Variants in SHANK2 observed in about 807,000 individuals in gnomAD.
SHANK2 encodes the protein SH3 and multiple ankyrin repeat domains protein 2.
In SHANK2, 43 loss-of-function variants were observed where a neutral mutation model predicts 133.7. The ratio of observed to expected loss-of-function variants is 0.32; its 90% confidence interval spans 0.25 to 0.41. The LOEUF (loss-of-function observed/expected upper bound fraction) is 0.41. SHANK2 is among the 10% of genes least tolerant of loss of function. The pLI is 1.00. For missense variants in SHANK2, 1,994 were observed against 2,235.8 expected, an observed-to-expected ratio of 0.89 and a Z score of 2.18; for synonymous variants, 1,017 against 952.8, an observed-to-expected ratio of 1.07 and a Z score of -1.24.
chr11:71,244,012 T>C (rs1954927257), intron 1 of SHANK2, among the ~76,000 whole-genome samples: 1 of 152,216 alleles, frequency 6.6e-6, no homozygotes, highest in African/African-American at 2.4e-5. Flanking sequence ...CCAAGTCATC[T>C]TATGAGGCCA....
At chr11:70,607,203 G>C (rs2136357808) in intron 17 of SHANK2, among the ~76,000 whole-genome samples, 1 of 152,326 alleles carries the variant, frequency 6.6e-6, no homozygotes, top group South Asian at 2.1e-4. Flanking sequence ...TGTGGCTCCG[G>C]GGTCTGGGTA....
chr11:70,746,636 C>T (rs1401611389), intron 14 of SHANK2, among the ~76,000 whole-genome samples: 7 of 152,184 alleles, frequency 4.6e-5, no homozygotes, highest in African/African-American at 1.7e-4. Flanking sequence ...CTCCCCGCTG[C>T]TTTCAGGGTC....
intron 12 of SHANK2, among the ~76,000 whole-genome samples, chr11:70,809,561 T>C (rs1565331952): frequency 6.6e-6 from 1 of 152,222 alleles, no homozygotes; most frequent in Non-Finnish European, 1.5e-5. Flanking sequence ...GTTCTGATTC[T>C]TACTCCTTCT....
At chr11:70,511,293 A>C (rs1554969266) in intron 17 of SHANK2, among the ~76,000 whole-genome samples, 2 of 152,208 alleles carry the variant, frequency 1.3e-5, no homozygotes, top group African/African-American at 4.8e-5. Flanking sequence ...GGGACAGAGG[A>C]AAAAAAGCTT....
chr11:70,771,590 T>G (rs1310859080), intron 14 of SHANK2, among the ~76,000 whole-genome samples: 2 of 152,008 alleles, frequency 1.3e-5, no homozygotes, highest in African/African-American at 4.8e-5. Flanking sequence ...CTGGCAGTTT[T>G]TGGCAGTTAC....
rs1322143159 is a variant in SHANK2 at position 71,166,473 on chromosome 11, C to CTTTTTTTTTTTTTTTT, written c.-12-19136_-12-19135insAAAAAAAAAAAAAAAA. Among the ~76,000 whole-genome samples, 5 of 131,382 alleles carry CTTTTTTTTTTTTTTTT rather than the reference C, an allele frequency of 3.8e-5. 1 individual carries two copies. The highest frequency in any genetic ancestry group is 2.7e-4 in the South Asian group (1 of 3,726). The allele number at this position is 131,382 out of a possible 152,430, so 86.2% of individuals were successfully genotyped here. On this transcript the variant is annotated intron_variant, in intron 2 of 25. Coordinates refer to ENST00000601538, the MANE Select transcript of SHANK2 (RefSeq NM_012309.5). ...TTGGTTTACCTTCCAATCCACACGT[C>CTTTTTTTTTTTTTTTT]TTTTTTTTCTTTTCTTTTTTTTTTG...
At chr11:70,641,157 A>G (rs1236536890) in intron 17 of SHANK2, among the ~76,000 whole-genome samples, 3 of 146,762 alleles carry the variant, frequency 2.0e-5, no homozygotes, top group Admixed American at 6.9e-5. Flanking sequence ...GTGCAGTGGC[A>G]TGATCTTGGC....
At chr11:70,766,237 C>G (rs1947121600) in intron 14 of SHANK2, among the ~76,000 whole-genome samples, 1 of 152,242 alleles carries the variant, frequency 6.6e-6, no homozygotes, top group African/African-American at 2.4e-5. Flanking sequence ...GTTGGAGCAG[C>G]AAGAAAGGCA....
intron 14 of SHANK2, among the ~76,000 whole-genome samples, chr11:70,786,249 C>T (rs563031489): frequency 5.3e-5 from 8 of 152,206 alleles, no homozygotes; most frequent in Non-Finnish European, 8.8e-5. Flanking sequence ...TCTGGCCTGG[C>T]CTCCTTTTAC....
At chr11:71,055,776 TGGGGGA>T (rs1319867961) in intron 10 of SHANK2, among the ~76,000 whole-genome samples, 6 of 93,766 alleles carry the variant, frequency 6.4e-5, no homozygotes, top group Non-Finnish European at 1.3e-4. Context: ...TTCTAGGGGC[TGGGGGA>T]GGGGGAGGGG....
intron 1 of SHANK2, among the ~76,000 whole-genome samples, chr11:71,228,175 A>G (rs1338406757): frequency 3.3e-5 from 5 of 152,240 alleles, no homozygotes; most frequent in African/African-American, 1.2e-4. Context: ...CAATTATTCA[A>G]GAAATACAAA....
rs907533771 is a variant in SHANK2, at chr11:70,472,600, G to A, written c.*269C>T. On this transcript the variant is annotated 3_prime_UTR_variant, in exon 26 of 26. Coordinates refer to ENST00000601538, the MANE Select transcript of SHANK2 (RefSeq NM_012309.5). The surrounding 1 kb of genome is among the most constrained non-coding windows in gnomAD (Gnocchi z 4.4). ...AAGCGAGGCCACCTGCATGCTGGGC[G>A]GCAGGCTGAGAATCTTTTTCCATGT... 11 of 507,798 alleles carry A rather than the reference G, an allele frequency of 2.2e-5. No individual in the cohort carries two copies. Among genetic ancestry groups the A allele is most frequent in the Admixed American group, 9.8e-5 (3 of 30,672 alleles). 31.5% of individuals were successfully genotyped at this position (507,798 alleles called of 1,614,324 possible). A position where few individuals can be genotyped will look rare whatever the true frequency, so the allele number is the denominator to read the frequency against.
In SHANK2 at chr11:71,175,598, G is replaced by GAGAGAC. The variant is rs1323452558; in HGVS notation, c.-12-28266_-12-28261dup. Among the ~76,000 whole-genome samples the GAGAGAC allele has an allele frequency of 6.0e-3, 644 of 107,186 alleles. 49 individuals carry two copies. The highest frequency in any genetic ancestry group is 0.011 in the Middle Eastern group (2 of 190). The allele number at this position is 107,186 out of a possible 152,430, so 70.3% of individuals were successfully genotyped here. On this transcript the variant is annotated intron_variant, in intron 2 of 25. Coordinates refer to ENST00000601538, the MANE Select transcript of SHANK2 (RefSeq NM_012309.5). The surrounding 1 kb of genome is among the most constrained non-coding windows in gnomAD (Gnocchi z 4.2). ...AGAGAGAGAGAGAGAGAGAGAGAGA[G>GAGAGAC]AGAGACAGAGACAGAGACATCGCTT...
intron 6 of SHANK2, among the ~76,000 whole-genome samples, chr11:71,108,946 C>A (rs375359919): frequency 2.4e-4 from 36 of 152,160 alleles, no homozygotes; most frequent in African/African-American, 8.2e-4. Flanking sequence ...GGCCCCCCCC[C>A]AGCGTTCAGA....
At chr11:70,539,304 C>G (rs7930163) in intron 17 of SHANK2, among the ~76,000 whole-genome samples, 15,332 of 152,232 alleles carry the variant, frequency 0.1, 1,542 homozygotes, top group African/African-American at 0.25. Context: ...GGCAGGACAG[C>G]CTTGGATGGA....
intron 2 of SHANK2, among the ~76,000 whole-genome samples, chr11:71,149,565 C>G (rs1358109262): frequency 1.2e-5 from 1 of 86,430 alleles, no homozygotes; most frequent in Non-Finnish European, 2.2e-5. Flanking sequence ...TTTTCTCTTG[C>G]GACTGTCTTA....
chr11:71,207,813 G>A (rs2135670207), intron 2 of SHANK2, among the ~76,000 whole-genome samples: 1 of 152,198 alleles, frequency 6.6e-6, no homozygotes, highest in East Asian at 1.9e-4. Context: ...GTCACTGGAG[G>A]CTGACCCTGC....
chr11:70,583,171 C>T (rs1265885223), intron 17 of SHANK2, among the ~76,000 whole-genome samples: 4 of 152,126 alleles, frequency 2.6e-5, no homozygotes, highest in Non-Finnish European at 5.9e-5. Flanking sequence ...GGGATGCCTT[C>T]ATCTATCTAC....
Position 70,487,867 on chromosome 11 carries a change from C to T in SHANK2, c.2573-147G>A, listed in dbSNP as rs1201366953. ...GGAAACACAGCACAAGCCACGATGC[C>T]GAGTGGTTAGTCACATGGCCCGTCG... is the stretch of plus-strand genomic sequence containing the variant. On this transcript the variant is annotated intron_variant, in intron 24 of 25. Coordinates refer to ENST00000601538, the MANE Select transcript of SHANK2 (RefSeq NM_012309.5). This position sits in a 1 kb window ranked among gnomAD's most constrained non-coding sequence, Gnocchi z 5.8. The T allele has an allele frequency of 1.0e-5, 15 of 1,486,906 alleles. No homozygotes were observed. The highest frequency in any genetic ancestry group is 2.5e-5 in the South Asian group (2 of 81,292). 92.1% of individuals were successfully genotyped at this position (1,486,906 alleles called of 1,614,324 possible). A position where few individuals can be genotyped will look rare whatever the true frequency, so the allele number is the denominator to read the frequency against.
Sources: allele counts gnomAD v4.1 joint callset (sites outside exome capture counted in the v4.1 genomes callset), GRCh38; gene constraint gnomAD v4.1.1; non-coding constraint Gnocchi (gnomAD v3.1); transcripts MANE v1.5; gene names NCBI Gene and HGNC (gene_info 2026-07-23, HGNC 2026-07-21).